PRR12: variants seen among roughly 807,000 people sequenced by gnomAD.
PRR12 encodes proline rich 12.
PRR12 carries 12 observed loss-of-function variants against 138.0 expected under a neutral mutation model. The observed-to-expected ratio is 0.09, with a 90% CI of 0.06 to 0.14. PRR12 has a LOEUF of 0.14. Among genes scored for constraint, PRR12 ranks in the 10% least tolerant of loss-of-function variants. The pLI is 1.00. For missense variants in PRR12, 2,692 were observed against 2,861.3 expected (o/e 0.94, Z 1.35); for synonymous variants, 1,567 against 1,291.7 (o/e 1.21, Z -4.57).
intron 6 of PRR12, among the ~76,000 whole-genome samples, chr19:49,609,892 G>T (rs2080856985): frequency 6.6e-6 from 1 of 152,186 alleles, no homozygotes; most frequent in African/African-American, 2.4e-5. Context: ...CTGGGGAGTT[G>T]TTCAAGCCTG....
Position 49,620,394 on chromosome 19 carries a change from G to A in PRR12, c.5540G>A (p.Arg1847Gln), listed in dbSNP as rs1257640731. The A allele has an allele frequency of 3.7e-6, 6 of 1,612,088 alleles. No individual in the cohort carries two copies. The highest frequency in any genetic ancestry group is 3.3e-5 in the Admixed American group (2 of 59,726). The part of the protein sequence containing the change: ...PGRLLKTRAM[R>Q]EMYRSYVEML... ...CGTCTGCTCAAAACCAGGGCGATGC[G>A]GGAGATGTACCGGAGCTACGTGGAG... The change falls in exon 10 of 14, where the codon CGG (arginine) becomes CAG (glutamine). Residue 1847 changes from arginine (R) to glutamine (Q), a missense_variant. Physicochemically the swap from Arg to Gln is conservative, Grantham distance 43. Coordinates refer to ENST00000418929, the MANE Select transcript of PRR12 (RefSeq NM_020719.3).
intron 4 of PRR12, among the ~76,000 whole-genome samples, chr19:49,598,687 C>T (rs1460849540): frequency 6.6e-6 from 1 of 152,044 alleles, no homozygotes; most frequent in Non-Finnish European, 1.5e-5. Context: ...CCAGGTGTGG[C>T]TGCGTGTACC....
At position 49,594,334 on chromosome 19, in the gene PRR12, C is replaced by T; in HGVS notation, c.200-120C>T. On this transcript the variant is annotated intron_variant, in intron 2 of 13. Transcript: ENST00000418929. This position sits in a 1 kb window ranked among gnomAD's most constrained non-coding sequence, Gnocchi z 5.6. ...CTATCCATCTTGTTTTTGAATTTGCCCTTTTCTCTCCCATCCCCTCCTTTT... is the reference window on the plus strand; with the variant it reads ...CTATCCATCTTGTTTTTGAATTTGCTCTTTTCTCTCCCATCCCCTCCTTTT... 1 of 953,046 alleles carries T rather than the reference C, an allele frequency of 1.0e-6. No individual in the cohort carries two copies. Among genetic ancestry groups the T allele is most frequent in the Non-Finnish European group, 1.5e-6 (1 of 651,266 alleles). 59.0% of individuals were successfully genotyped at this position (953,046 alleles called of 1,614,324 possible).
intron 2 of PRR12, among the ~76,000 whole-genome samples, chr19:49,593,708 C>G (rs1249850800): frequency 2.0e-5 from 3 of 152,164 alleles, no homozygotes; most frequent in Non-Finnish European, 4.4e-5. Flanking sequence ...CTCTTCCAGG[C>G]TTTTCCGCCT....
chr19:49,594,510 G>C lies in PRR12; in HGVS notation c.256G>C (p.Ala86Pro). ...LHHAGSAGPDASVMNLISALE... is the reference protein window; with the variant it reads ...LHHAGSAGPDPSVMNLISALE... ...CCACGCGGGCTCAGCAGGGCCCGAC[G>C]CCTCCGTCATGAACCTTATCTCGGC... is the stretch of plus-strand genomic sequence containing the variant. The change falls in exon 3 of 14, where the codon GCC (alanine) becomes CCC (proline). Residue 86 changes from alanine (A) to proline (P), a missense_variant. By Grantham distance (27) the Ala-to-Pro change is conservative. This residue lies in a region of PRR12 where 211 missense variants were observed against 266.3 expected (regional missense o/e 0.79). Coordinates refer to ENST00000418929, the MANE Select transcript of PRR12 (RefSeq NM_020719.3). The surrounding 1 kb of genome is among the most constrained non-coding windows in gnomAD (Gnocchi z 5.6). 6.2e-7 allele frequency: 1 copy of C among 1,612,792 alleles called. No individual in the cohort carries two copies. Among genetic ancestry groups the C allele is most frequent in the Non-Finnish European group, 8.5e-7 (1 of 1,179,352 alleles).
At position 49,599,157 on chromosome 19, in the gene PRR12, A is replaced by G. The variant is rs532520932; in HGVS notation, c.3679-115A>G. On this transcript the variant is annotated intron_variant, in intron 4 of 13. Transcript: ENST00000418929. The surrounding 1 kb of genome is among the most constrained non-coding windows in gnomAD (Gnocchi z 5.0). ...TAAGACAAGGGGTCTGCAGGTTTGAATTCTATAAATTCACAGGCTGAGCAC... is the reference window on the plus strand; with the variant it reads ...TAAGACAAGGGGTCTGCAGGTTTGAGTTCTATAAATTCACAGGCTGAGCAC... 1 of 1,036,632 alleles carries G rather than the reference A, an allele frequency of 9.6e-7. No homozygotes were observed. Among genetic ancestry groups the G allele is most frequent in the East Asian group, 2.6e-5 (1 of 37,762 alleles). 64.2% of individuals were successfully genotyped at this position (1,036,632 alleles called of 1,614,324 possible).
chr19:49,602,270 T>C (rs1378017956), intron 6 of PRR12, among the ~76,000 whole-genome samples: 1 of 152,158 alleles, frequency 6.6e-6, no homozygotes, highest in African/African-American at 2.4e-5. Flanking sequence ...CAGATGAGGC[T>C]CTGGCCCTAG....
In PRR12 at chr19:49,601,911, C is replaced by T. The variant is rs1291777172; in HGVS notation, c.4766C>T (p.Ser1589Phe). 2.5e-6 allele frequency: 4 copies of T among 1,611,336 alleles called. No homozygotes were observed. The East Asian group carries it at 6.7e-5, about 27-fold the overall frequency. Residue 1589 changes from serine (S) to phenylalanine (F), a missense_variant, in exon 6 of 14, where the codon TCC (serine) becomes TTC (phenylalanine). Ser to Phe is a radical substitution (Grantham distance 155). Coordinates refer to ENST00000418929, the MANE Select transcript of PRR12 (RefSeq NM_020719.3). ...GTCATCCGTGCTGAGGACATCCCTT[C>T]CCTCAAGGTGAGTCCCAGCCTTCTC... is the stretch of plus-strand genomic sequence containing the variant. Reference protein sequence around the residue: ...EFVIRAEDIPSLKLALQTGRE... With the variant: ...EFVIRAEDIPFLKLALQTGRE...
Position 49,594,349 on chromosome 19 carries a change from C to G in PRR12, c.200-105C>G, listed in dbSNP as rs185414963. The G allele has an allele frequency of 5.2e-6, 6 of 1,148,466 alleles. No individual in the cohort carries two copies. The highest frequency in any genetic ancestry group is 7.4e-6 in the Non-Finnish European group (6 of 816,094). The allele number at this position is 1,148,466 out of a possible 1,614,324, so 71.1% of individuals were successfully genotyped here. Reference sequence around the variant, plus strand: ...TTGAATTTGCCCTTTTCTCTCCCATCCCCTCCTTTTCCTGATCCAACTTGC... The same window carrying G: ...TTGAATTTGCCCTTTTCTCTCCCATGCCCTCCTTTTCCTGATCCAACTTGC... On this transcript the variant is annotated intron_variant, in intron 2 of 13. Transcript: ENST00000418929. This position sits in a 1 kb window ranked among gnomAD's most constrained non-coding sequence, Gnocchi z 5.6.
chr19:49,622,942 G>GAA (rs1568432795), intron 11 of PRR12, among the ~76,000 whole-genome samples: 1 of 118,642 alleles, frequency 8.4e-6, no homozygotes, highest in Non-Finnish European at 1.7e-5. Context: ...GAGAGAGAGA[G>GAA]AGAGAGAGAG....
chr19:49,614,396 T>G lies in PRR12; in HGVS notation c.4774-137T>G. 1 of 606,134 alleles carries G rather than the reference T, an allele frequency of 1.6e-6. No homozygotes were observed. The highest frequency in any genetic ancestry group is 2.9e-6 in the Non-Finnish European group (1 of 348,964). 37.5% of individuals were successfully genotyped at this position (606,134 alleles called of 1,614,324 possible). A position where few individuals can be genotyped will look rare whatever the true frequency, so the allele number is the denominator to read the frequency against. On this transcript the variant is annotated intron_variant, in intron 6 of 13. Coordinates refer to ENST00000418929, the MANE Select transcript of PRR12 (RefSeq NM_020719.3). The surrounding 1 kb of genome is among the most constrained non-coding windows in gnomAD (Gnocchi z 5.0). Reference sequence around the variant, plus strand: ...CACAGAGCTGAACACATCATGGGGGTAGAAGATATTTGTTGTTGACGTGTC... The same window carrying G: ...CACAGAGCTGAACACATCATGGGGGGAGAAGATATTTGTTGTTGACGTGTC...
chr19:49,593,195 A>G (rs1175426990), intron 1 of PRR12, 132 bp from the exon 2 acceptor site: 5 of 597,058 alleles, frequency 8.4e-6, no homozygotes, highest in Non-Finnish European at 1.5e-5. Context: ...TTTAGGGCCT[A>G]CGGTTCCTTA....
At chr19:49,598,080 T>TG in intron 4 of PRR12, 67 bp downstream of exon 4, 2 of 1,249,120 alleles carry the variant, frequency 1.6e-6, no homozygotes, top group East Asian at 6.4e-5. Flanking sequence ...TGAGTCTTTT[T>TG]TTTTTTTTTT....
intron 6 of PRR12, among the ~76,000 whole-genome samples, chr19:49,603,388 T>A (rs1316677695): frequency 6.6e-6 from 1 of 152,244 alleles, no homozygotes; most frequent in Non-Finnish European, 1.5e-5. Flanking sequence ...GCCCTTCGTG[T>A]ACAGTGTGAC....
intron 6 of PRR12, among the ~76,000 whole-genome samples, chr19:49,609,099 C>T (rs998700905): frequency 2.0e-5 from 3 of 151,814 alleles, no homozygotes; most frequent in Non-Finnish European, 4.4e-5. Flanking sequence ...GAATCGCTTG[C>T]GCTCAGGAGT....
In PRR12 at chr19:49,595,073, C is replaced by T; in HGVS notation, c.738C>T (p.Asn246=). The stretch of plus-strand genomic sequence containing the variant: ...CTCGCCACCTCCCAACTCAGTTCAA[C>T]CTGCTGGCTTCCTCTTCCGCTGCCG... ...PPPRHLPTQF[N]LLASSSAAAA... Residue 246 remains asparagine (N), a synonymous_variant, in exon 4 of 14, where the codon AAC becomes AAT. Coordinates refer to ENST00000418929, the MANE Select transcript of PRR12 (RefSeq NM_020719.3). 2 of 1,611,912 alleles carry T rather than the reference C, an allele frequency of 1.2e-6. No individual in the cohort carries two copies. The highest frequency in any genetic ancestry group is 1.1e-5 in the South Asian group (1 of 91,044).
chr19:49,622,847 G>T (rs1321610234), intron 11 of PRR12, among the ~76,000 whole-genome samples: 1 of 146,566 alleles, frequency 6.8e-6, no homozygotes, highest in Non-Finnish European at 1.5e-5. Flanking sequence ...AGGCGAGATC[G>T]TGCCACTGCA....
At position 49,594,735 on chromosome 19, in the gene PRR12, G is replaced by A; in HGVS notation, c.400G>A (p.Gly134Ser). ...AGGCCCCACGGAGCTCTTCATCTCGGGTGCCCTGCCGGGTTCCAGCACCTT... is the reference window on the plus strand; with the variant it reads ...AGGCCCCACGGAGCTCTTCATCTCGAGTGCCCTGCCGGGTTCCAGCACCTT... Reference protein sequence around the residue: ...TPGPTELFISGALPGSSTFPS... With the variant: ...TPGPTELFISSALPGSSTFPS... The change falls in exon 4 of 14, where the codon GGT becomes AGT. Residue 134 changes from glycine to serine, a missense_variant. Physicochemically the swap from Gly to Ser is moderately conservative, Grantham distance 56. Around this residue, in one of 11 missense-constraint regions of PRR12, gnomAD observed 211 missense variants for 266.3 expected, o/e 0.79. Transcript: ENST00000418929. The surrounding 1 kb of genome is among the most constrained non-coding windows in gnomAD (Gnocchi z 5.6). 1 of 1,613,214 alleles carries A rather than the reference G, an allele frequency of 6.2e-7. No homozygotes were observed.
In PRR12 at chr19:49,595,320, C is replaced by G; in HGVS notation, c.985C>G (p.Leu329Val). Residue 329 changes from leucine (L) to valine (V), a missense_variant, in exon 4 of 14, where the codon CTG becomes GTG. Around this residue, in one of 11 missense-constraint regions of PRR12, gnomAD observed 523 missense variants for 496.4 expected, o/e 1.05. Coordinates refer to ENST00000418929, the MANE Select transcript of PRR12 (RefSeq NM_020719.3). ...SYPSMGHRAN[L>V]ACSPLGGGEP... ...CCCCTCCATGGGCCACCGGGCCAAC[C>G]TGGCCTGCAGCCCCCTGGGTGGTGG... The G allele has an allele frequency of 6.5e-7, 1 of 1,545,216 alleles. No individual in the cohort carries two copies. Among genetic ancestry groups the G allele is most frequent in the Non-Finnish European group, 8.7e-7 (1 of 1,145,898 alleles).
Sources: gnomAD v4.1 joint callset for allele counts (sites outside exome capture counted in the v4.1 genomes callset) on GRCh38, gnomAD v4.1.1 for gene constraint, gnomAD v4.1.1 regional missense constraint, Gnocchi (gnomAD v3.1) non-coding constraint, MANE v1.5 for transcripts, NCBI Gene and HGNC (gene_info 2026-07-23, HGNC 2026-07-21) for gene names.